Variants in ZNF674 observed in about 807,000 individuals in gnomAD.
The protein encoded by ZNF674 is zinc finger protein 674.
ZNF674 carries 2 observed loss-of-function variants against 7.0 expected under a neutral mutation model. That is an observed-to-expected ratio of 0.29 (90% confidence interval 0.12 to 0.90). The LOEUF is 0.90. ZNF674 is among the 40% of genes least tolerant of loss of function. The probability of loss-of-function intolerance (pLI) is 0.57; values close to 1 mark genes in which losing one functional copy is unlikely to be tolerated. For missense variants in ZNF674, 297 were observed against 415.5 expected, an observed-to-expected ratio of 0.71 and a Z score of 2.48; for synonymous variants, 103 against 145.2, an observed-to-expected ratio of 0.71 and a Z score of 2.09.
At chrX:46,524,021 G>A (rs1162857723) in intron 5 of ZNF674, among the ~76,000 whole-genome samples, 2 of 102,616 alleles carry the variant, frequency 1.9e-5, no homozygotes, top group African/African-American at 3.6e-5. Context: ...CAGCCTGGGC[G>A]ACAAGAGCAA....
Position 46,529,977 on chromosome X carries a change from G to A in ZNF674, c.16-1068C>T, listed in dbSNP as rs761538876. Among the ~76,000 whole-genome samples the A allele has an allele frequency of 1.9e-4, 21 of 112,265 alleles. No individual in the cohort carries two copies. The South Asian group carries it at 7.7e-3, about 41-fold the overall frequency. ...TCATGAAACAAAGAACAGGAAGCCA[G>A]AGGTTTGTGGCCTGGGCAGCTGACT... On this transcript the variant is annotated intron_variant, in intron 3 of 5. Transcript: ENST00000683375.
chrX:46,505,104 T>G (rs192649677), intron 5 of ZNF674, among the ~76,000 whole-genome samples: 48 of 110,340 alleles, frequency 4.4e-4, no homozygotes, highest in African/African-American at 9.6e-4. Flanking sequence ...TGGTCAGGCT[T>G]GTCTTGAACT....
rs1226355049 is a variant in ZNF674, at chrX:46,498,983, ATGTT to A, written c.*856_*859del. 8.9e-6 allele frequency: 1 copy of A among 111,733 alleles called. No homozygotes were observed. Among genetic ancestry groups the A allele is most frequent in the African/African-American group, 3.3e-5 (1 of 30,756 alleles). The allele number at this position is 111,733 out of a possible 1,213,427, so 9.2% of individuals were successfully genotyped here. A position where few individuals can be genotyped will look rare whatever the true frequency, so the allele number is the denominator to read the frequency against. On this transcript the variant is annotated 3_prime_UTR_variant, in exon 6 of 6. Transcript: ENST00000683375. ...GCCACCTCTACACCTCTTCCACAAAATGTTTGGTAAAGAACATGGTAAGTGTGGT... is the reference window on the plus strand; with the variant it reads ...GCCACCTCTACACCTCTTCCACAAAATGGTAAAGAACATGGTAAGTGTGGT...
intron 5 of ZNF674, among the ~76,000 whole-genome samples, chrX:46,502,568 G>A (rs1478849833): frequency 1.8e-5 from 2 of 111,650 alleles, no homozygotes; most frequent in African/African-American, 3.3e-5. Context: ...TAAATAGGTT[G>A]AACAGTAGAC....
At chrX:46,514,976 GACT>G (rs1416453518) in intron 5 of ZNF674, among the ~76,000 whole-genome samples, 1 of 111,899 alleles carries the variant, frequency 8.9e-6, no homozygotes, top group East Asian at 2.8e-4. Context: ...ACTAAAATAA[GACT>G]ACCACTGACC....
At chrX:46,542,468 G>A (rs1026489200) in intron 2 of ZNF674, among the ~76,000 whole-genome samples, 11 of 111,791 alleles carry the variant, frequency 9.8e-5, no homozygotes, top group East Asian at 2.8e-4. Context: ...CCCTGCATGC[G>A]GGGGGCGCTG....
chrX:46,510,373 A>G (rs1941630916), intron 5 of ZNF674, among the ~76,000 whole-genome samples: 1 of 112,257 alleles, frequency 8.9e-6, no homozygotes, highest in African/African-American at 3.2e-5. Context: ...GAACACTTCA[A>G]TATCAGAAAT....
intron 5 of ZNF674, among the ~76,000 whole-genome samples, chrX:46,510,555 G>A (rs185245762): frequency 7.1e-5 from 8 of 112,234 alleles, no homozygotes; most frequent in Non-Finnish European, 1.3e-4. Flanking sequence ...TTGGGAGGCC[G>A]AAGTGGGTGG....
chrX:46,516,379 C>T (rs760398072), intron 5 of ZNF674, among the ~76,000 whole-genome samples: 6 of 111,965 alleles, frequency 5.4e-5, no homozygotes, highest in Non-Finnish European at 7.5e-5. Context: ...AATACAGGTC[C>T]CAGTGACTTA....
intron 5 of ZNF674, among the ~76,000 whole-genome samples, chrX:46,509,952 T>G (rs1234685839): frequency 2.7e-5 from 3 of 110,654 alleles, no homozygotes; most frequent in East Asian, 5.7e-4. Flanking sequence ...TGGAATACTA[T>G]GCAGCCATAA....
intron 5 of ZNF674, among the ~76,000 whole-genome samples, chrX:46,513,130 GCA>G (rs1414162899): frequency 9.0e-6 from 1 of 110,815 alleles, no homozygotes; most frequent in African/African-American, 3.3e-5. Context: ...GGGCGTGGTG[GCA>G]CACACCTGTA....
intron 5 of ZNF674, among the ~76,000 whole-genome samples, chrX:46,511,085 T>A (rs1941645063): frequency 8.9e-6 from 1 of 112,059 alleles, no homozygotes; most frequent in Non-Finnish European, 1.9e-5. Flanking sequence ...GCTTATTATT[T>A]TATTACAATC....
At chrX:46,515,143 C>T (rs1488795892) in intron 5 of ZNF674, among the ~76,000 whole-genome samples, 1 of 110,895 alleles carries the variant, frequency 9.0e-6, no homozygotes, top group South Asian at 3.8e-4. Context: ...CCTAAGTGGG[C>T]GGATCACATG....
intron 3 of ZNF674, among the ~76,000 whole-genome samples, chrX:46,531,760 TAG>T (rs765679769): frequency 9.0e-6 from 1 of 111,121 alleles, no homozygotes; most frequent in African/African-American, 3.3e-5. Flanking sequence ...ATCCTCTGAG[TAG>T]AGTGTCAGAG....
At position 46,516,244 on chromosome X, in the gene ZNF674, C is replaced by T. The variant is rs184121559; in HGVS notation, c.238+12106G>A. Among the ~76,000 whole-genome samples, 5 of 111,855 alleles carry T rather than the reference C, an allele frequency of 4.5e-5. No individual in the cohort carries two copies. The East Asian group carries it at 1.4e-3, about 31-fold the overall frequency. On this transcript the variant is annotated intron_variant, in intron 5 of 5. Coordinates refer to ENST00000683375, the MANE Select transcript of ZNF674 (RefSeq NM_001190417.2). ...GAACAAAATACATAAAGTAACTACC[C>T]GAGGACTCTGACAAGTCAACAAAAC...
chrX:46,513,056 A>T (rs1941691171), intron 5 of ZNF674, among the ~76,000 whole-genome samples: 1 of 111,168 alleles, frequency 9.0e-6, no homozygotes, highest in African/African-American at 3.3e-5. Context: ...CGAGGTCAAG[A>T]GATCGAGACC....
At chrX:46,524,158 TA>T (rs1365053663) in intron 5 of ZNF674, among the ~76,000 whole-genome samples, 1 of 111,746 alleles carries the variant, frequency 8.9e-6, no homozygotes, top group Non-Finnish European at 1.9e-5. Flanking sequence ...TAGTCCTATA[TA>T]AATTTCAGAA....
At chrX:46,532,631 T>G (rs1049359714) in intron 3 of ZNF674, among the ~76,000 whole-genome samples, 3 of 112,016 alleles carry the variant, frequency 2.7e-5, no homozygotes, top group Non-Finnish European at 5.6e-5. Flanking sequence ...TTGAAAGAGA[T>G]CTGATCTAAC....
intron 3 of ZNF674, among the ~76,000 whole-genome samples, chrX:46,533,829 A>AAAAAAAATAT (rs1415090691): frequency 3.1e-5 from 2 of 65,571 alleles, no homozygotes; most frequent in African/African-American, 2.0e-4. Flanking sequence ...AAAAAAAAAA[A>AAAAAAAATAT]ATATATATAT....
Sources: allele counts gnomAD v4.1 joint callset (sites outside exome capture counted in the v4.1 genomes callset), GRCh38; gene constraint gnomAD v4.1.1; transcripts MANE v1.5; gene names NCBI Gene and HGNC (gene_info 2026-07-23, HGNC 2026-07-21).